The following RALGAPA2 variants were observed in gnomAD, a reference collection of about 807,000 sequenced individuals.
RALGAPA2 encodes Ral GTPase activating protein catalytic subunit alpha 2.
In RALGAPA2, 139 loss-of-function variants were observed where a neutral mutation model predicts 230.4. The ratio of observed to expected loss-of-function variants is 0.60; its 90% CI spans 0.53 to 0.69. The LOEUF is 0.69. Ranked by LOEUF, RALGAPA2 falls within the 30% of genes least tolerant of loss-of-function variation. The pLI, the probability that RALGAPA2 is intolerant of heterozygous loss-of-function variation, is 0.00. For synonymous variants in RALGAPA2, 847 were observed against 837.8 expected (o/e 1.01, Z -0.19); for missense variants, 2,163 against 2,276.0 (o/e 0.95, Z 1.01).
At chr20:20,665,592 G>A (rs2067933559) in intron 3 of RALGAPA2, among the ~76,000 whole-genome samples, 1 of 152,162 alleles carries the variant, frequency 6.6e-6, no homozygotes, top group Non-Finnish European at 1.5e-5. Flanking sequence ...CATTGAAACT[G>A]ACTCCTTTCA....
intron 37 of RALGAPA2, among the ~76,000 whole-genome samples, chr20:20,443,258 T>G (rs892352059): frequency 2.6e-5 from 4 of 152,236 alleles, no homozygotes; most frequent in African/African-American, 9.6e-5. Flanking sequence ...TGAAGGGGAC[T>G]GCATTCATTT....
intron 18 of RALGAPA2, among the ~76,000 whole-genome samples, chr20:20,585,557 T>C (rs531071223): frequency 1.9e-4 from 29 of 152,198 alleles, no homozygotes; most frequent in East Asian, 7.7e-4. Context: ...ATAAGCAAAA[T>C]ATGCAAATAA....
intron 32 of RALGAPA2, among the ~76,000 whole-genome samples, chr20:20,512,171 G>A (rs1227381902): frequency 6.6e-6 from 1 of 151,260 alleles, no homozygotes; most frequent in African/African-American, 2.4e-5. Flanking sequence ...CCGGGCAACA[G>A]AGCAAGACTC....
intron 1 of RALGAPA2, among the ~76,000 whole-genome samples, chr20:20,709,927 T>C (rs902833696): frequency 2.6e-5 from 4 of 152,216 alleles, no homozygotes; most frequent in African/African-American, 9.6e-5. Flanking sequence ...ATCCTATTAA[T>C]GGTGGGAGAT....
chr20:20,596,502 T>G (rs1183296648), intron 16 of RALGAPA2, among the ~76,000 whole-genome samples: 1 of 152,182 alleles, frequency 6.6e-6, no homozygotes, highest in Non-Finnish European at 1.5e-5. Context: ...GCAAATTCAA[T>G]ACTCTAATGT....
At chr20:20,596,749 C>T (rs981977406) in intron 16 of RALGAPA2, among the ~76,000 whole-genome samples, 3 of 152,220 alleles carry the variant, frequency 2.0e-5, no homozygotes, top group Admixed American at 2.0e-4. Context: ...GCAGACCGAG[C>T]CCAGGCCACT....
At chr20:20,473,102 C>G (rs1295955880) in intron 36 of RALGAPA2, 146 bp from the exon 37 acceptor site, 1 of 789,296 alleles carries the variant, frequency 1.3e-6, no homozygotes, top group Non-Finnish European at 1.9e-6. Flanking sequence ...GGACACAGGT[C>G]TAGGGCTTTC....
chr20:20,485,621 G>A (rs1026147905), intron 36 of RALGAPA2, among the ~76,000 whole-genome samples: 7 of 151,926 alleles, frequency 4.6e-5, no homozygotes, highest in Admixed American at 1.3e-4. Flanking sequence ...TTTATTGGTG[G>A]TTGCCCTGAG....
intron 8 of RALGAPA2, among the ~76,000 whole-genome samples, chr20:20,635,933 C>G (rs2066844042): frequency 6.6e-6 from 1 of 152,130 alleles, no homozygotes; most frequent in Non-Finnish European, 1.5e-5. Flanking sequence ...AACATCTTTT[C>G]ACATACATTA....
chr20:20,638,736 A>T (rs1448619083), intron 7 of RALGAPA2, among the ~76,000 whole-genome samples: 4 of 152,182 alleles, frequency 2.6e-5, no homozygotes, highest in African/African-American at 9.7e-5. Flanking sequence ...TCAAATGTGG[A>T]GTTTCCAGAA....
At chr20:20,546,515 C>T (rs558627731) in intron 24 of RALGAPA2, among the ~76,000 whole-genome samples, 189 bp downstream of exon 24, 11 of 152,242 alleles carry the variant, frequency 7.2e-5, no homozygotes, top group South Asian at 4.1e-4. Flanking sequence ...TTTGATGAAA[C>T]GCCTTTCCAA....
chr20:20,505,514 G>A lies in RALGAPA2; in HGVS notation c.4949C>T (p.Ala1650Val). 1 of 1,595,096 alleles carries A rather than the reference G, an allele frequency of 6.3e-7. No individual in the cohort carries two copies. The highest frequency in any genetic ancestry group is 8.5e-7 in the Non-Finnish European group (1 of 1,171,318). The change falls in exon 34 of 40, where the codon GCA becomes GTA. Residue 1650 changes from alanine to valine, a missense_variant. Physicochemically the swap from Ala to Val is moderately conservative, Grantham distance 64 (BLOSUM62 0). Transcript: ENST00000202677. ...SRQCRETHKIAVFYIAEGQED... is the reference protein window; with the variant it reads ...SRQCRETHKIVVFYIAEGQED... Reference sequence around the variant, plus strand: ...TTGACCTTCAGCAATGTAAAACACTGCGATTTTGTGTGTCTCACGGCTATA... The same window carrying A: ...TTGACCTTCAGCAATGTAAAACACTACGATTTTGTGTGTCTCACGGCTATA...
At chr20:20,645,882 C>T (rs534067197) in intron 4 of RALGAPA2, among the ~76,000 whole-genome samples, 50 of 151,842 alleles carry the variant, frequency 3.3e-4, no homozygotes, top group Non-Finnish European at 5.7e-4. Flanking sequence ...AGAACAGTGC[C>T]GGGTATGTGG....
chr20:20,688,014 G>C (rs966790283), intron 1 of RALGAPA2, among the ~76,000 whole-genome samples: 1 of 152,142 alleles, frequency 6.6e-6, no homozygotes. Context: ...CTGCAGGTTA[G>C]AAGCTTATCT....
chr20:20,527,758 G>A (rs1362491357), intron 27 of RALGAPA2, among the ~76,000 whole-genome samples: 2 of 152,152 alleles, frequency 1.3e-5, no homozygotes, highest in Non-Finnish European at 2.9e-5. Context: ...TATCTTTAAT[G>A]CCTAGCATGG....
At chr20:20,594,441 A>T (rs2065386514) in intron 16 of RALGAPA2, among the ~76,000 whole-genome samples, 1 of 152,094 alleles carries the variant, frequency 6.6e-6, no homozygotes. Context: ...TTTAATAGTG[A>T]TATGCAAATA....
intron 38 of RALGAPA2, among the ~76,000 whole-genome samples, chr20:20,411,501 C>T (rs2060058817): frequency 6.6e-6 from 1 of 152,196 alleles, no homozygotes; most frequent in Non-Finnish European, 1.5e-5. Context: ...CTGCTCCGGT[C>T]GGCGGCTTGT....
At chr20:20,474,590 T>C (rs1312068739) in intron 36 of RALGAPA2, among the ~76,000 whole-genome samples, 1 of 152,134 alleles carries the variant, frequency 6.6e-6, no homozygotes, top group African/African-American at 2.4e-5. Context: ...GACAGATATA[T>C]TTTGAAGGTA....
intron 15 of RALGAPA2, 118 bp downstream of exon 15, chr20:20,605,057 A>C: frequency 1.3e-6 from 1 of 766,398 alleles, no homozygotes; most frequent in Non-Finnish European, 2.2e-6. Context: ...TATTAAGAAG[A>C]CACTGTGTAG....
Sources: gnomAD v4.1 joint callset for allele counts (sites outside exome capture counted in the v4.1 genomes callset) on GRCh38, gnomAD v4.1.1 for gene constraint, MANE v1.5 for transcripts, NCBI Gene and HGNC (gene_info 2026-07-23, HGNC 2026-07-21) for gene names.